The following VWA5B1 variants were observed in gnomAD, a reference collection of about 807,000 sequenced individuals.
VWA5B1 encodes the protein von Willebrand factor A domain-containing protein 5B1.
VWA5B1 carries 115 observed loss-of-function variants against 118.2 expected under a neutral mutation model. The observed-to-expected ratio is 0.97, with a 90% CI of 0.84 to 1.14. VWA5B1 has a LOEUF of 1.14. Ranked by LOEUF, VWA5B1 falls within the 50% of genes most tolerant of loss-of-function variation. The pLI, the probability that VWA5B1 is intolerant of heterozygous loss-of-function variation, is 0.00. For missense variants in VWA5B1, 1,596 were observed against 1,603.8 expected (o/e 1.00, Z 0.08); for synonymous variants, 682 against 658.4 (o/e 1.04, Z -0.55).
In VWA5B1 at chr1:20,317,155, CAAAAAAAAA is replaced by C. The variant is rs367872784; in HGVS notation, c.564-359_564-351del. Reference sequence around the variant, plus strand: ...TGGGTGACTGAGCAAGACTGCATCTCAAAAAAAAAAAAAAAAAAAAAAAATAGTGGGAAC... The same window carrying C: ...TGGGTGACTGAGCAAGACTGCATCTCAAAAAAAAAAAAAAATAGTGGGAAC... On this transcript the variant is annotated intron_variant, in intron 4 of 21. Transcript: ENST00000289815. Among the ~76,000 whole-genome samples, 632 of 70,532 alleles carry C rather than the reference CAAAAAAAAA, an allele frequency of 9.0e-3. 3 individuals are homozygous for C. The highest frequency in any genetic ancestry group is 0.032 in the African/African-American group (564 of 17,716). The allele number at this position is 70,532 out of a possible 152,430, so 46.3% of individuals were successfully genotyped here.
chr1:20,332,784 A>G lies in VWA5B1; in HGVS notation c.1591A>G (p.Lys531Glu). 2 of 1,551,702 alleles carry G rather than the reference A, an allele frequency of 1.3e-6. No homozygotes were observed. The highest frequency in any genetic ancestry group is 1.4e-5 in the African/African-American group (1 of 73,168). Residue 531 changes from lysine to glutamate, a missense_variant, in exon 12 of 22, where the codon AAG (lysine) becomes GAG (glutamate). Lys to Glu is a moderately conservative substitution (Grantham distance 56, BLOSUM62 1). Coordinates refer to ENST00000289815, the MANE Select transcript of VWA5B1 (RefSeq NM_001039500.3). ...CCTACAGATGGTCAAATCCTTGAAGAAGGCCATGGCCCCAGTCCTGAGCGA... is the reference window on the plus strand; with the variant it reads ...CCTACAGATGGTCAAATCCTTGAAGGAGGCCATGGCCCCAGTCCTGAGCGA... ...LQPKMVKSLKKAMAPVLSDVT... is the reference protein window; with the variant it reads ...LQPKMVKSLKEAMAPVLSDVT...
Position 20,314,370 on chromosome 1 carries a change from C to A in VWA5B1, c.341C>A (p.Pro114Gln), listed in dbSNP as rs535713265. The stretch of plus-strand genomic sequence containing the variant: ...TCCATAGCCCCTCATTCCTGCACAC[C>A]GGGAAAGGTGACCTTGGACGAGGAT... ...GVSIAPHSCT[P>Q]GKVTLDEDLE... Residue 114 changes from proline (P) to glutamine (Q), a missense_variant, in exon 4 of 22, where the codon CCG becomes CAG. Physicochemically the swap from Pro to Gln is moderately conservative, Grantham distance 76. Transcript: ENST00000289815. The A allele has an allele frequency of 4.4e-5, 68 of 1,551,862 alleles. No homozygotes were observed. Among genetic ancestry groups the A allele is most frequent in the Middle Eastern group, 1.7e-4 (1 of 6,016 alleles).
intron 12 of VWA5B1, among the ~76,000 whole-genome samples, chr1:20,335,207 C>G (rs1444879554): frequency 6.6e-6 from 1 of 152,016 alleles, no homozygotes; most frequent in Non-Finnish European, 1.5e-5. Flanking sequence ...CCCAACTACT[C>G]TGGAAGCTGA....
chr1:20,309,861 C>G (rs2088789818), intron 1 of VWA5B1, among the ~76,000 whole-genome samples: 1 of 146,542 alleles, frequency 6.8e-6, no homozygotes, highest in Non-Finnish European at 1.5e-5. Flanking sequence ...TGGACGGATA[C>G]AAGGGCTTTT....
At position 20,358,225 on chromosome 1, in the gene VWA5B1, C is replaced by T. The variant is rs2090263075; in HGVS notation, c.*3962C>T. ...TGGCTGATGAATAGACTAGCTGCTT[C>T]CAAGACTCGATTCTGGTGGGCTTTC... On this transcript the variant is annotated 3_prime_UTR_variant, in exon 22 of 22. Coordinates refer to ENST00000289815, the MANE Select transcript of VWA5B1 (RefSeq NM_001039500.3). Among the ~76,000 whole-genome samples, 1 of 152,216 alleles carries T rather than the reference C, an allele frequency of 6.6e-6. No homozygotes were observed. The highest frequency in any genetic ancestry group is 1.5e-5 in the Non-Finnish European group (1 of 68,034).
intron 14 of VWA5B1, among the ~76,000 whole-genome samples, chr1:20,342,149 G>A (rs1415348257): frequency 6.7e-6 from 1 of 149,202 alleles, no homozygotes; most frequent in South Asian, 2.1e-4. Flanking sequence ...AAAAAAGTGG[G>A]TTTGGAATTA....
intron 5 of VWA5B1, 38 bp downstream of exon 5, chr1:20,317,713 A>C (rs2089064379): frequency 6.7e-7 from 1 of 1,496,892 alleles, no homozygotes; most frequent in African/African-American, 1.4e-5. Flanking sequence ...GGTGAGCTTC[A>C]GGCGAAAAGC....
chr1:20,332,902 G>T lies in VWA5B1; in HGVS notation c.1709G>T (p.Gly570Val). ...CTCTTCCCTGGAGAACGGCTGGTGGGGTATGGCATTGTATGTGATGCTTCT... is the reference window on the plus strand; with the variant it reads ...CTCTTCCCTGGAGAACGGCTGGTGGTGTATGGCATTGTATGTGATGCTTCT... ...SSLFPGERLVGYGIVCDASLH... is the reference protein window; with the variant it reads ...SSLFPGERLVVYGIVCDASLH... Residue 570 changes from glycine (G) to valine (V), a missense_variant, in exon 12 of 22, where the codon GGG (glycine) becomes GTG (valine). Physicochemically the swap from Gly to Val is moderately radical, Grantham distance 109. Coordinates refer to ENST00000289815, the MANE Select transcript of VWA5B1 (RefSeq NM_001039500.3). The T allele has an allele frequency of 6.4e-7, 1 of 1,551,856 alleles. No individual in the cohort carries two copies. The highest frequency in any genetic ancestry group is 1.2e-5 in the South Asian group (1 of 84,068).
At chr1:20,299,147 T>C (rs1460466439) in intron 1 of VWA5B1, among the ~76,000 whole-genome samples, 1 of 152,312 alleles carries the variant, frequency 6.6e-6, no homozygotes, top group African/African-American at 2.4e-5. Context: ...TTGTGCAAAG[T>C]GTCGGGAACC....
intron 6 of VWA5B1, 42 bp from the exon 7 acceptor site, chr1:20,319,340 C>A: frequency 6.5e-7 from 1 of 1,546,848 alleles, no homozygotes; most frequent in South Asian, 1.2e-5. Context: ...CCTTCTCCTA[C>A]GATACCTGGC....
Position 20,352,086 on chromosome 1 carries a change from C to G in VWA5B1, c.3055C>G (p.Arg1019Gly). ...LNLNKSRLLT[R>G]AAKGFLSKPL... ...TCTCAACAAGTCCAGGCTACTGACG[C>G]GAGCAGCCAAGGGCTTCCTGAGCAA... Residue 1019 changes from arginine (R) to glycine (G), a missense_variant, in exon 21 of 22, where the codon CGA becomes GGA. Arg to Gly is a moderately radical substitution (Grantham distance 125). Transcript: ENST00000289815. The G allele has an allele frequency of 1.3e-6, 2 of 1,551,296 alleles. No individual in the cohort carries two copies. Among genetic ancestry groups the G allele is most frequent in the Non-Finnish European group, 1.7e-6 (2 of 1,146,950 alleles).
At chr1:20,334,253 G>A (rs188600892) in intron 12 of VWA5B1, among the ~76,000 whole-genome samples, 6 of 152,186 alleles carry the variant, frequency 3.9e-5, no homozygotes, top group African/African-American at 9.7e-5. Flanking sequence ...GTGTTCAGCC[G>A]CAGGGAGAAA....
In VWA5B1 at chr1:20,343,308, G is replaced by A. The variant is rs1245885575; in HGVS notation, c.2541G>A (p.Trp847Ter). The change falls in exon 16 of 22, where the codon TGG (tryptophan) becomes TGA (stop). Residue 847 changes from tryptophan (W) to a stop codon, truncating the protein, a stop_gained. Coordinates refer to ENST00000289815, the MANE Select transcript of VWA5B1 (RefSeq NM_001039500.3). LOFTEE classifies it high-confidence loss of function. ...GCGGCGCGCAGGATGCCGACCTATG[G>A]AGCGAGACCTTCCACCACCTGGCGG... ...ERGGAQDADLWSETFHHLAAR... is the reference protein window; with the variant it reads ...ERGGAQDADL 1.3e-6 allele frequency: 2 copies of A among 1,546,172 alleles called. No individual in the cohort carries two copies. The highest frequency in any genetic ancestry group is 2.4e-5 in the South Asian group (2 of 84,028).
intron 8 of VWA5B1, among the ~76,000 whole-genome samples, chr1:20,327,611 C>T (rs2089423517): frequency 1.3e-5 from 2 of 151,542 alleles, no homozygotes; most frequent in African/African-American, 4.9e-5. Flanking sequence ...GAAATCAGAC[C>T]TGCTACATGG....
chr1:20,338,038 C>T (rs768919746), intron 14 of VWA5B1: 32 of 714,694 alleles, frequency 4.5e-5, no homozygotes, highest in Middle Eastern at 2.3e-4. Flanking sequence ...TCAATAAGCT[C>T]GCTCATTCCC....
intron 20 of VWA5B1, 123 bp downstream of exon 20, chr1:20,351,049 T>A: frequency 2.2e-6 from 2 of 904,558 alleles, no homozygotes; most frequent in African/African-American, 1.7e-5. Context: ...GCAGGTGTCG[T>A]AAAGAAGGCA....
chr1:20,321,157 G>T (rs1002422774), intron 7 of VWA5B1, among the ~76,000 whole-genome samples: 28 of 149,080 alleles, frequency 1.9e-4, no homozygotes, highest in Non-Finnish European at 3.7e-4. Context: ...ACAGGTCATT[G>T]GCAGACAAAA....
At chr1:20,338,136 G>A in intron 14 of VWA5B1, 1 of 540,380 alleles carries the variant, frequency 1.9e-6, no homozygotes, top group South Asian at 1.5e-5. Context: ...AGAGAGTTTA[G>A]GGGCCCACCT....
rs1284468644 is a variant in VWA5B1, at chr1:20,345,553, G to A, written c.2724G>A (p.Lys908=). The A allele has an allele frequency of 4.5e-6, 7 of 1,551,036 alleles. No homozygotes were observed. The highest frequency in any genetic ancestry group is 3.9e-5 in the Admixed American group (2 of 50,994). Residue 908 remains lysine (K), a synonymous_variant, in exon 17 of 22, where the codon AAG becomes AAA. Transcript: ENST00000289815. The part of the protein sequence containing the change: ...YTAFVPVDVS[K]SRYLPTVVEY... ...CCTTCGTGCCTGTGGACGTGAGCAAGAGCCGGTACCTGCCCACCGTGGTGG... is the reference window on the plus strand; with the variant it reads ...CCTTCGTGCCTGTGGACGTGAGCAAAAGCCGGTACCTGCCCACCGTGGTGG...
Sources: allele counts gnomAD v4.1 joint callset (sites outside exome capture counted in the v4.1 genomes callset), GRCh38; gene constraint gnomAD v4.1.1; transcripts MANE v1.5; gene names NCBI Gene and HGNC (gene_info 2026-07-23, HGNC 2026-07-21).